UGT1A8: variants seen among roughly 807,000 people sequenced by gnomAD.
The protein encoded by UGT1A8 is UDP-glucuronosyltransferase 1A8.
Under a neutral mutation model 45.3 loss-of-function variants are expected in UGT1A8, and 39 were observed. The ratio of observed to expected loss-of-function variants is 0.86; its 90% confidence interval spans 0.67 to 1.12. The LOEUF (loss-of-function observed/expected upper bound fraction) is 1.12. Among genes scored for constraint, UGT1A8 ranks in the 50% most tolerant of loss-of-function variants. The pLI, the probability that UGT1A8 is intolerant of heterozygous loss-of-function variation, is 0.00. For synonymous variants in UGT1A8, 275 were observed against 249.2 expected, an observed-to-expected ratio of 1.10 and a Z score of -0.97; for missense variants, 719 against 664.9, an observed-to-expected ratio of 1.08 and a Z score of -0.90.
rs2125545713 is a variant in UGT1A8, at chr2:233,690,623, A to G, written c.855+72061A>G. On this transcript the variant is annotated intron_variant, in intron 1 of 4. Coordinates refer to ENST00000373450, the MANE Select transcript of UGT1A8 (RefSeq NM_019076.5). The stretch of plus-strand genomic sequence containing the variant: ...AAATCGGCCTTTGCCTGGACACTCA[A>G]GTGATACCTGAGGACACCTTGACTC... 2.3e-6 allele frequency: 3 copies of G among 1,289,032 alleles called. No individual in the cohort carries two copies. The South Asian group carries it at 3.7e-5, about 16-fold the overall frequency. 79.8% of individuals were successfully genotyped at this position (1,289,032 alleles called of 1,614,324 possible). A position where few individuals can be genotyped will look rare whatever the true frequency, so the allele number is the denominator to read the frequency against.
intron 1 of UGT1A8, among the ~76,000 whole-genome samples, chr2:233,751,857 T>A (rs1270227415): frequency 6.6e-6 from 1 of 152,184 alleles, no homozygotes; most frequent in African/African-American, 2.4e-5. Context: ...ACCTTTGTCT[T>A]TTATAAATTA....
rs587784540 is a variant in UGT1A8 at position 233,760,766 on chromosome 2, T to A, written c.856-6268T>A. 1.9e-6 allele frequency: 3 copies of A among 1,614,116 alleles called. No individual in the cohort carries two copies. The South Asian group carries it at 3.3e-5, about 18-fold the overall frequency. On this transcript the variant is annotated intron_variant, in intron 1 of 4. Coordinates refer to ENST00000373450, the MANE Select transcript of UGT1A8 (RefSeq NM_019076.5). ...CCTTTCCTTCCTTGCAGCCCCATCG[T>A]GGCCCAGTACCTGTCTCTGCCCACT...
chr2:233,668,192 C>G (rs1021618844), intron 1 of UGT1A8, among the ~76,000 whole-genome samples: 33 of 152,098 alleles, frequency 2.2e-4, no homozygotes, highest in African/African-American at 8.0e-4. Context: ...TTTCCTAATG[C>G]TATCCCTCCC....
At chr2:233,654,083 C>G (rs1017191359) in intron 1 of UGT1A8, among the ~76,000 whole-genome samples, 2 of 152,180 alleles carry the variant, frequency 1.3e-5, no homozygotes, top group African/African-American at 4.8e-5. Context: ...TACACAGTCT[C>G]TGCCTTCAGT....
chr2:233,736,300 A>G (rs1483271188), intron 1 of UGT1A8, among the ~76,000 whole-genome samples: 4 of 152,002 alleles, frequency 2.6e-5, no homozygotes, highest in Non-Finnish European at 1.5e-5. Flanking sequence ...AGTTGCTCTA[A>G]TCAGCTATTG....
Position 233,724,804 on chromosome 2 carries a change from G to A in UGT1A8, c.856-42230G>A, listed in dbSNP as rs1450931342. ...TCACTTCCCAGACGGGGTGGCGGCCGGGCAGAGGCTGCAATCTCGGCACTT... is the reference window on the plus strand; with the variant it reads ...TCACTTCCCAGACGGGGTGGCGGCCAGGCAGAGGCTGCAATCTCGGCACTT... On this transcript the variant is annotated intron_variant, in intron 1 of 4. Coordinates refer to ENST00000373450, the MANE Select transcript of UGT1A8 (RefSeq NM_019076.5). 4.1e-4 allele frequency among the ~76,000 whole-genome samples: 57 copies of A among 138,728 alleles called. 3 individuals are homozygous for A. Among genetic ancestry groups the A allele is most frequent in the Non-Finnish European group, 8.3e-4 (54 of 64,962 alleles). The allele number at this position is 138,728 out of a possible 152,430, so 91.0% of individuals were successfully genotyped here. A position where few individuals can be genotyped will look rare whatever the true frequency, so the allele number is the denominator to read the frequency against.
chr2:233,746,487 A>G (rs758052145), intron 1 of UGT1A8, among the ~76,000 whole-genome samples: 10 of 151,792 alleles, frequency 6.6e-5, no homozygotes, highest in Middle Eastern at 3.2e-3. Context: ...TTCCATGGAC[A>G]TGTCACTCTT....
At chr2:233,721,924 G>A (rs2076980343) in intron 1 of UGT1A8, 1 of 395,850 alleles carries the variant, frequency 2.5e-6, no homozygotes, top group East Asian at 7.1e-5. Context: ...TCCATAAAGT[G>A]ACATCCTTCA....
chr2:233,657,179 C>T (rs1160739993), intron 1 of UGT1A8, among the ~76,000 whole-genome samples: 3 of 152,166 alleles, frequency 2.0e-5, no homozygotes, highest in African/African-American at 7.2e-5. Context: ...CTATCAAGGT[C>T]CCCCATCATC....
intron 1 of UGT1A8, chr2:233,648,013 C>T (rs1281257521): frequency 8.7e-6 from 14 of 1,602,830 alleles, no homozygotes; most frequent in Non-Finnish European, 1.1e-5. Flanking sequence ...TGTAGTCAGG[C>T]CAGAGGTGAG....
chr2:233,711,966 T>C (rs1367774321), intron 1 of UGT1A8, among the ~76,000 whole-genome samples: 8 of 152,232 alleles, frequency 5.3e-5, no homozygotes, highest in African/African-American at 1.7e-4. Context: ...ATTTTGAAAT[T>C]TGAACTAGAG....
intron 1 of UGT1A8, among the ~76,000 whole-genome samples, chr2:233,658,165 C>A (rs532050329): frequency 2.2e-4 from 33 of 151,988 alleles, no homozygotes; most frequent in Non-Finnish European, 4.3e-4. Context: ...ATTACAGGTG[C>A]ACACCACCAT....
chr2:233,711,236 A>G (rs1269842437), intron 1 of UGT1A8, among the ~76,000 whole-genome samples: 2 of 152,194 alleles, frequency 1.3e-5, no homozygotes, highest in Non-Finnish European at 2.9e-5. Flanking sequence ...TGAAGGCACC[A>G]CCATCTTCCA....
At chr2:233,637,513 G>A (rs2073329392) in intron 1 of UGT1A8, 2 of 1,469,164 alleles carry the variant, frequency 1.4e-6, no homozygotes, top group Admixed American at 2.3e-5. Context: ...ATTATTTTGT[G>A]CGAATTCATG....
chr2:233,733,427 A>G (rs1444261298), intron 1 of UGT1A8, among the ~76,000 whole-genome samples: 1 of 152,208 alleles, frequency 6.6e-6, no homozygotes, highest in Non-Finnish European at 1.5e-5. Context: ...CCTACTCAGT[A>G]TGATATTGGC....
chr2:233,673,332 T>C (rs1054412999), intron 1 of UGT1A8, among the ~76,000 whole-genome samples: 1 of 152,292 alleles, frequency 6.6e-6, no homozygotes, highest in Admixed American at 6.5e-5. Flanking sequence ...TATTAATAAT[T>C]GCATAAAATA....
At chr2:233,768,723 C>T (rs1162218085) in intron 4 of UGT1A8, among the ~76,000 whole-genome samples, 1 of 151,234 alleles carries the variant, frequency 6.6e-6, no homozygotes, top group Non-Finnish European at 1.5e-5. Flanking sequence ...GCTGGGATTA[C>T]AGGTGTCCAC....
At position 233,641,889 on chromosome 2, in the gene UGT1A8, C is replaced by T. The variant is rs28969982; in HGVS notation, c.855+23327C>T. Among the ~76,000 whole-genome samples, 514 of 152,090 alleles carry T rather than the reference C, an allele frequency of 3.4e-3. 2 individuals are homozygous for T. Among genetic ancestry groups the T allele is most frequent in the African/African-American group, 0.012 (478 of 41,486 alleles). On this transcript the variant is annotated intron_variant, in intron 1 of 4. Transcript: ENST00000373450. Reference sequence around the variant, plus strand: ...GGCTGCTGCCAGATGTATTGGAACTCCATTGTTTGTTATTTATCTCTTCTC... The same window carrying T: ...GGCTGCTGCCAGATGTATTGGAACTTCATTGTTTGTTATTTATCTCTTCTC...
intron 1 of UGT1A8, among the ~76,000 whole-genome samples, chr2:233,641,854 C>T (rs543209152): frequency 1.3e-5 from 2 of 152,178 alleles, no homozygotes; most frequent in East Asian, 3.9e-4. Flanking sequence ...TGTAAGGGTT[C>T]CACTGAAAAG....
Sources: gnomAD v4.1 joint callset for allele counts (sites outside exome capture counted in the v4.1 genomes callset) on GRCh38, gnomAD v4.1.1 for gene constraint, MANE v1.5 for transcripts, NCBI Gene and HGNC (gene_info 2026-07-23, HGNC 2026-07-21) for gene names.